Variants in CDKL5 observed in about 807,000 individuals in gnomAD.
The protein encoded by CDKL5 is cyclin-dependent kinase-like 5.
CDKL5 carries 8 observed loss-of-function variants against 61.7 expected under a neutral mutation model. The observed-to-expected ratio is 0.13, with a 90% confidence interval of 0.08 to 0.23. CDKL5 has a LOEUF of 0.23. Ranked by LOEUF, CDKL5 falls within the 10% of genes least tolerant of loss-of-function variation. The pLI, the probability that CDKL5 is intolerant of heterozygous loss-of-function variation, is 1.00. For missense variants in CDKL5, 440 were observed against 734.5 expected, an observed-to-expected ratio of 0.60 and a Z score of 4.63; for synonymous variants, 275 against 272.3, an observed-to-expected ratio of 1.01 and a Z score of -0.10.
At chrX:18,615,395 T>C (rs895243224) in intron 15 of CDKL5, among the ~76,000 whole-genome samples, 4 of 111,961 alleles carry the variant, frequency 3.6e-5, no homozygotes, top group Non-Finnish European at 7.5e-5. Context: ...AGCCTTGTTA[T>C]GGTAATATAG....
chrX:18,576,101 A>G (rs1925287871), intron 5 of CDKL5, among the ~76,000 whole-genome samples: 1 of 111,938 alleles, frequency 8.9e-6, no homozygotes, highest in Non-Finnish European at 1.9e-5. Context: ...GGGCAAATGT[A>G]TGTTACAGTA....
intron 20 of CDKL5, chrX:18,650,391 C>T (rs998058972): frequency 2.5e-6 from 3 of 1,209,034 alleles, no homozygotes; most frequent in Non-Finnish European, 3.4e-6. Context: ...CATTCCACTG[C>T]CCTCTGAATA....
intron 1 of CDKL5, among the ~76,000 whole-genome samples, chrX:18,484,650 T>C (rs1449446243): frequency 2.7e-5 from 3 of 111,830 alleles, no homozygotes; most frequent in African/African-American, 9.7e-5. Context: ...ATTTATGAAT[T>C]GTTAGAATGG....
In CDKL5 at chrX:18,598,690, A is replaced by G. The variant is rs773179564; in HGVS notation, c.977+77A>G. ...GGTGGAGGAGGTGGCTGCTTAAATG[A>G]TGCAATTAGAGAAAAGAAGGAAAGC... is the stretch of plus-strand genomic sequence containing the variant. On this transcript the variant is annotated intron_variant, in intron 11 of 17. Transcript: ENST00000623535. 5 of 942,065 alleles carry G rather than the reference A, an allele frequency of 5.3e-6. No individual in the cohort carries two copies. In the Admixed American group the frequency reaches 8.8e-5, roughly 17 times the overall value. 77.6% of individuals were successfully genotyped at this position (942,065 alleles called of 1,213,427 possible). A position where few individuals can be genotyped will look rare whatever the true frequency, so the allele number is the denominator to read the frequency against.
intron 3 of CDKL5, among the ~76,000 whole-genome samples, chrX:18,525,088 A>G (rs1923383170): frequency 9.0e-6 from 1 of 110,556 alleles, no homozygotes; most frequent in Non-Finnish European, 1.9e-5. Context: ...ATGCCCTGCT[A>G]ATTTTTAAAT....
At chrX:18,600,949 C>A (rs1031095518) in intron 11 of CDKL5, among the ~76,000 whole-genome samples, 1 of 111,973 alleles carries the variant, frequency 8.9e-6, no homozygotes, top group Non-Finnish European at 1.9e-5. Flanking sequence ...TTGCTCCACA[C>A]TGGTCTATGG....
At chrX:18,616,614 A>C (rs1926722877) in intron 15 of CDKL5, among the ~76,000 whole-genome samples, 1 of 108,236 alleles carries the variant, frequency 9.2e-6, no homozygotes, top group Non-Finnish European at 1.9e-5. Context: ...AACAAGAGCG[A>C]AACTCCGTCT....
At chrX:18,559,460 G>T (rs1924717079) in intron 3 of CDKL5, among the ~76,000 whole-genome samples, 1 of 110,352 alleles carries the variant, frequency 9.1e-6, no homozygotes. Context: ...GCCCACCTCG[G>T]CCTCTCAGAG....
rs1207429249 is a variant in CDKL5 at position 18,604,000 on chromosome X, G to T, written c.1076G>T (p.Gly359Val). The part of the protein sequence containing the change: ...LSVGLPRADE[G>V]LPANESFLNG... Reference sequence around the variant, plus strand: ...GTAGGCCTGCCCCGGGCTGACGAAGGTCTCCCTGCCAATGAAAGCTTCCTA... The same window carrying T: ...GTAGGCCTGCCCCGGGCTGACGAAGTTCTCCCTGCCAATGAAAGCTTCCTA... The change falls in exon 12 of 18, where the codon GGT becomes GTT. Residue 359 changes from glycine (G) to valine (V), a missense_variant. Gly to Val is a moderately radical substitution (Grantham distance 109, BLOSUM62 -3). Coordinates refer to ENST00000623535, the MANE Select transcript of CDKL5 (RefSeq NM_001323289.2). 1.7e-6 allele frequency: 2 copies of T among 1,211,113 alleles called. No individual in the cohort carries two copies. Among genetic ancestry groups the T allele is most frequent in the East Asian group, 3.0e-5 (1 of 33,820 alleles).
intron 16 of CDKL5, among the ~76,000 whole-genome samples, chrX:18,624,258 C>T (rs1926973020): frequency 8.9e-6 from 1 of 112,112 alleles, no homozygotes; most frequent in Non-Finnish European, 1.9e-5. Flanking sequence ...CAGTTATGGG[C>T]AGATAACATT....
intron 1 of CDKL5, among the ~76,000 whole-genome samples, chrX:18,459,455 G>A (rs908725747): frequency 1.8e-5 from 2 of 108,957 alleles, no homozygotes; most frequent in African/African-American, 3.3e-5. Flanking sequence ...CCAGCTACTC[G>A]GGAGGCTGAG....
chrX:18,532,766 G>C (rs1324596083), intron 3 of CDKL5, among the ~76,000 whole-genome samples: 2 of 110,921 alleles, frequency 1.8e-5, no homozygotes, highest in Non-Finnish European at 3.8e-5. Context: ...TTGCATTTTG[G>C]TAGGCTTTAG....
At chrX:18,449,511 C>T (rs1160962687) in intron 1 of CDKL5, among the ~76,000 whole-genome samples, 1 of 111,857 alleles carries the variant, frequency 8.9e-6, no homozygotes, top group East Asian at 2.8e-4. Context: ...TGCCGCCCCC[C>T]AGAATCACTG....
intron 3 of CDKL5, among the ~76,000 whole-genome samples, chrX:18,538,954 TTTTGGTAG>T (rs748759688): frequency 1.8e-5 from 2 of 112,300 alleles, no homozygotes; most frequent in East Asian, 5.6e-4. Context: ...CTTGGTTAAC[TTTTGGTAG>T]TTTGATTTTC....
intron 3 of CDKL5, among the ~76,000 whole-genome samples, chrX:18,555,513 T>G (rs907254279): frequency 8.9e-6 from 1 of 111,885 alleles, no homozygotes; most frequent in Non-Finnish European, 1.9e-5. Context: ...ATGAATGAAG[T>G]TTTATTTTTG....
intron 1 of CDKL5, among the ~76,000 whole-genome samples, chrX:18,462,938 C>T (rs948825682): frequency 9.0e-6 from 1 of 110,851 alleles, no homozygotes; most frequent in Non-Finnish European, 1.9e-5. Flanking sequence ...GCAGGAGAAT[C>T]GCTTGAACCC....
intron 17 of CDKL5, among the ~76,000 whole-genome samples, chrX:18,625,638 A>G (rs890427853): frequency 1.8e-5 from 2 of 112,129 alleles, no homozygotes; most frequent in Admixed American, 1.9e-4. Context: ...TTTCATTAAA[A>G]ATAATAGCAT....
chrX:18,469,496 A>G (rs1383953586), intron 1 of CDKL5, among the ~76,000 whole-genome samples: 1 of 108,908 alleles, frequency 9.2e-6, no homozygotes, highest in Non-Finnish European at 1.9e-5. Context: ...TAAAAATGCA[A>G]AATTAGCTGG....
At chrX:18,511,159 T>TA (rs1197601574) in intron 3 of CDKL5, among the ~76,000 whole-genome samples, 1 of 112,163 alleles carries the variant, frequency 8.9e-6, no homozygotes, top group Non-Finnish European at 1.9e-5. Flanking sequence ...TTTAAATACT[T>TA]ATATGTGGAA....
Sources: gnomAD v4.1 joint callset for allele counts (sites outside exome capture counted in the v4.1 genomes callset) on GRCh38, gnomAD v4.1.1 for gene constraint, MANE v1.5 for transcripts, NCBI Gene and HGNC (gene_info 2026-07-23, HGNC 2026-07-21) for gene names.